ABCC8: variants seen among roughly 807,000 people sequenced by gnomAD.
ABCC8 encodes the protein ATP-binding cassette sub-family C member 8.
In ABCC8, 137 loss-of-function variants were observed where a neutral mutation model predicts 188.0. The observed-to-expected ratio is 0.73, with a 90% CI of 0.63 to 0.84. ABCC8 has a LOEUF of 0.84. Ranked by LOEUF, ABCC8 falls within the 40% of genes least tolerant of loss-of-function variation. ABCC8 has a pLI of 0.00. For synonymous variants in ABCC8, 797 were observed against 846.5 expected (o/e 0.94, Z 1.01); for missense variants, 1,750 against 2,072.7 (o/e 0.84, Z 3.02).
rs772824415 is a variant in ABCC8, at chr11:17,427,085, TC to T, written c.2185del (p.Glu729ArgfsTer19). The T allele has an allele frequency of 6.2e-7, 1 of 1,613,762 alleles. No homozygotes were observed. ...GACAGCCCCTGAGACCTTCTGCATCTCCCCCAGTGCGGCTAGAAGGAGCGAG... is the reference window on the plus strand; with the variant it reads ...GACAGCCCCTGAGACCTTCTGCATCTCCCCAGTGCGGCTAGAAGGAGCGAG... ...KSSLLLAALG[E>X]MQKVSGAVFW... is the part of the protein sequence containing the mutation. On this transcript the variant is annotated frameshift_variant, in exon 16 of 39. Coordinates refer to ENST00000389817, the MANE Select transcript of ABCC8 (RefSeq NM_000352.6). LOFTEE classifies it high-confidence loss of function. This position sits in a 1 kb window ranked among gnomAD's most constrained non-coding sequence, Gnocchi z 5.0.
downstream of ABCC8, chr11:17,392,873 T>G: frequency 1.6e-6 from 2 of 1,290,172 alleles, no homozygotes; most frequent in East Asian, 4.7e-5. Flanking sequence ...CCACCAGACT[T>G]AGGGCCTCTA....
intron 12 of ABCC8, chr11:17,429,838 C>T (rs1425983050): frequency 6.6e-6 from 1 of 152,214 alleles, no homozygotes; most frequent in Non-Finnish European, 1.5e-5. Context: ...CAGCTACTGC[C>T]TGGTCAGATA....
Position 17,460,507 on chromosome 11 carries a change from T to G in ABCC8, c.992A>C (p.Asn331Thr). ...GCCTACCTTGGGCTGGAAGACGTCG[T>G]TCTCCTTCCCAAGGTGGTCCACGAT... is the stretch of plus-strand genomic sequence containing the variant. The part of the protein sequence containing the change: ...FGIVDHLGKE[N>T]DVFQPKTQFL... The change falls in exon 6 of 39, where the codon AAC becomes ACC. Residue 331 changes from asparagine to threonine, a missense_variant. By Grantham distance (65) the Asn-to-Thr change is moderately conservative. Coordinates refer to ENST00000389817, the MANE Select transcript of ABCC8 (RefSeq NM_000352.6). 1 of 1,614,158 alleles carries G rather than the reference T, an allele frequency of 6.2e-7. No homozygotes were observed. The highest frequency in any genetic ancestry group is 8.5e-7 in the Non-Finnish European group (1 of 1,180,026).
chr11:17,465,883 T>C (rs1424082604), intron 3 of ABCC8, among the ~76,000 whole-genome samples: 5 of 152,098 alleles, frequency 3.3e-5, no homozygotes, highest in Non-Finnish European at 7.4e-5. Flanking sequence ...CATAAAGCAA[T>C]TATTATGATT....
chr11:17,428,210 C>A (rs756207261), intron 14 of ABCC8, 79 bp downstream of exon 14: 4 of 1,602,252 alleles, frequency 2.5e-6, no homozygotes, highest in Non-Finnish European at 3.4e-6. Context: ...ACTAAGCATG[C>A]AGCTTTCTGG....
chr11:17,451,185 AAC>A (rs1395138115), intron 7 of ABCC8, among the ~76,000 whole-genome samples: 5 of 152,204 alleles, frequency 3.3e-5, no homozygotes, highest in Non-Finnish European at 7.3e-5. Context: ...TTAATTACAA[AAC>A]TGCCCAACCA....
intron 7 of ABCC8, 80 bp from the exon 8 acceptor site, chr11:17,448,751 T>G (rs928579269): frequency 1.2e-6 from 2 of 1,611,400 alleles, no homozygotes; most frequent in Middle Eastern, 1.7e-4. Context: ...TGTTACAGTG[T>G]GCCAGGGGCT....
At chr11:17,458,364 C>A (rs1489018873) in intron 6 of ABCC8, among the ~76,000 whole-genome samples, 2 of 152,238 alleles carry the variant, frequency 1.3e-5, no homozygotes, top group Admixed American at 1.3e-4. Context: ...GCAATGATAA[C>A]GTTCAGATGA....
intron 2 of ABCC8, among the ~76,000 whole-genome samples, chr11:17,474,032 G>C (rs529315141): frequency 2.8e-4 from 42 of 151,996 alleles, no homozygotes; most frequent in Non-Finnish European, 4.4e-4. Flanking sequence ...CTTCCCTCAG[G>C]CACCACCAGT....
chr11:17,413,586 T>C, intron 19 of ABCC8, 108 bp from the exon 20 acceptor site: 1 of 1,608,208 alleles, frequency 6.2e-7, no homozygotes, highest in Non-Finnish European at 8.5e-7. Context: ...GGGTGAGCAA[T>C]GGCTTTAATA....
intron 8 of ABCC8, among the ~76,000 whole-genome samples, chr11:17,445,479 G>T (rs1956487487): frequency 6.6e-6 from 1 of 152,202 alleles, no homozygotes; most frequent in Non-Finnish European, 1.5e-5. Flanking sequence ...TCTCAATAAA[G>T]CTGTGTGCAT....
rs996645675 is a variant in ABCC8, at chr11:17,460,340, C to T, written c.1011+148G>A. On this transcript the variant is annotated intron_variant, in intron 6 of 38. Coordinates refer to ENST00000389817, the MANE Select transcript of ABCC8 (RefSeq NM_000352.6). ...TTCTGTTGACCAGATGTAGAGTATT[C>T]TGTGGTGGGGATACTGCTATGGGCT... 8 of 1,272,206 alleles carry T rather than the reference C, an allele frequency of 6.3e-6. No individual in the cohort carries two copies. The African/African-American group carries it at 1.2e-4, about 19-fold the overall frequency. 78.8% of individuals were successfully genotyped at this position (1,272,206 alleles called of 1,614,324 possible).
intron 10 of ABCC8, among the ~76,000 whole-genome samples, chr11:17,440,097 C>T (rs979554004): frequency 1.3e-5 from 2 of 152,156 alleles, no homozygotes; most frequent in African/African-American, 4.8e-5. Flanking sequence ...ACTACATGAC[C>T]TGAGGCTGCC....
At position 17,427,844 on chromosome 11, in the gene ABCC8, T is replaced by A; in HGVS notation, c.2116+23A>T. 6.2e-7 allele frequency: 1 copy of A among 1,613,546 alleles called. No individual in the cohort carries two copies. Among genetic ancestry groups the A allele is most frequent in the Non-Finnish European group, 8.5e-7 (1 of 1,179,738 alleles). On this transcript the variant is annotated intron_variant, in intron 15 of 38. Coordinates refer to ENST00000389817, the MANE Select transcript of ABCC8 (RefSeq NM_000352.6). The surrounding 1 kb of genome is among the most constrained non-coding windows in gnomAD (Gnocchi z 5.0). ...CAGTGGGACATGGGGAGGGGCATGCTGGAGGGGTGGACTGGGCCATACCTC... is the reference window on the plus strand; with the variant it reads ...CAGTGGGACATGGGGAGGGGCATGCAGGAGGGGTGGACTGGGCCATACCTC...
At chr11:17,461,054 T>C in intron 5 of ABCC8, 1 of 359,462 alleles carries the variant, frequency 2.8e-6, no homozygotes. Flanking sequence ...GAAGGAGCAC[T>C]GGACTGGGAG....
intron 6 of ABCC8, 145 bp from the exon 7 acceptor site, chr11:17,453,428 G>A (rs550315663): frequency 9.0e-7 from 1 of 1,111,234 alleles, no homozygotes; most frequent in African/African-American, 1.6e-5. Flanking sequence ...GTTTATGAGT[G>A]AAAAATCAGA....
intron 16 of ABCC8, among the ~76,000 whole-genome samples, chr11:17,423,059 TCTCTTAAAAGCGGGGC>T (rs1955417838): frequency 6.6e-6 from 1 of 151,772 alleles, no homozygotes; most frequent in Non-Finnish European, 1.5e-5. Flanking sequence ...TTCTCTCCCC[TCTCTTAAAAGCGGGGC>T]CGGCCAGGGG....
At chr11:17,417,069 C>T in intron 16 of ABCC8, 107 bp from the exon 17 acceptor site, 4 of 1,574,054 alleles carry the variant, frequency 2.5e-6, no homozygotes, top group Non-Finnish European at 3.5e-6. Flanking sequence ...CCAACCCTCC[C>T]ACCCATTCCC....
At chr11:17,406,852 C>T (rs374893355) in intron 25 of ABCC8, 36 bp downstream of exon 25, 76 of 1,614,058 alleles carry the variant, frequency 4.7e-5, no homozygotes, top group South Asian at 1.2e-4. Context: ...TCCCCCATCC[C>T]CACTCCCAAC....
Sources: gnomAD v4.1 joint callset for allele counts (sites outside exome capture counted in the v4.1 genomes callset) on GRCh38, gnomAD v4.1.1 for gene constraint, Gnocchi (gnomAD v3.1) non-coding constraint, MANE v1.5 for transcripts, NCBI Gene and HGNC (gene_info 2026-07-23, HGNC 2026-07-21) for gene names.